BTBD9: variants seen among roughly 807,000 people sequenced by gnomAD.
BTBD9 encodes the protein BTB domain containing 9.
Under a neutral mutation model 64.3 loss-of-function variants are expected in BTBD9, and 49 were observed. The observed-to-expected ratio is 0.76, with a 90% CI of 0.61 to 0.97. The LOEUF (loss-of-function observed/expected upper bound fraction) is 0.97, where lower values mean the gene tolerates loss of function less well. Among genes scored for constraint, BTBD9 ranks in the 50% least tolerant of loss-of-function variants. The probability of loss-of-function intolerance (pLI) is 0.00; values close to 1 mark genes in which losing one functional copy is unlikely to be tolerated. For missense variants in BTBD9, 598 were observed against 762.1 expected, an observed-to-expected ratio of 0.78 and a Z score of 2.53; for synonymous variants, 260 against 274.7, an observed-to-expected ratio of 0.95 and a Z score of 0.53.
In BTBD9 at chr6:38,409,802, C is replaced by G. The variant is rs540313778; in HGVS notation, c.1155-64709G>C. Reference sequence around the variant, plus strand: ...TCATGCCACTGCACTCCAGCCTGGGCAACAGAGCAAGACTCTGTATCAAAA... The same window carrying G: ...TCATGCCACTGCACTCCAGCCTGGGGAACAGAGCAAGACTCTGTATCAAAA... On this transcript the variant is annotated intron_variant, in intron 6 of 10. Transcript: ENST00000481247. 5.3e-5 allele frequency among the ~76,000 whole-genome samples: 8 copies of G among 152,022 alleles called. No homozygotes were observed. The South Asian group carries it at 6.2e-4, about 12-fold the overall frequency.
chr6:38,356,328 A>G (rs1189924264), intron 6 of BTBD9, among the ~76,000 whole-genome samples: 2 of 152,016 alleles, frequency 1.3e-5, no homozygotes, highest in Non-Finnish European at 2.9e-5. Flanking sequence ...ATTTTTCTTT[A>G]TGAAACTCTT....
chr6:38,328,136 A>G (rs1763512100), intron 7 of BTBD9, among the ~76,000 whole-genome samples: 2 of 152,230 alleles, frequency 1.3e-5, no homozygotes, highest in African/African-American at 2.4e-5. Flanking sequence ...ATATAAATAC[A>G]GGAAAATGTA....
intron 6 of BTBD9, among the ~76,000 whole-genome samples, chr6:38,475,175 A>G (rs1283194332): frequency 2.0e-5 from 3 of 152,154 alleles, no homozygotes; most frequent in Non-Finnish European, 4.4e-5. Flanking sequence ...ACATATACAC[A>G]TGGCCAAAAA....
intron 7 of BTBD9, among the ~76,000 whole-genome samples, chr6:38,333,304 T>C (rs1328601989): frequency 1.3e-5 from 2 of 152,172 alleles, no homozygotes; most frequent in Non-Finnish European, 2.9e-5. Context: ...TCCTTATTCA[T>C]CAAAAAGTCA....
rs544943726 is a variant in BTBD9 at position 38,355,768 on chromosome 6, T to TC, written c.1155-10676dup. Among the ~76,000 whole-genome samples the TC allele has an allele frequency of 2.5e-3, 384 of 152,326 alleles. 3 individuals are homozygous for TC. The highest frequency in any genetic ancestry group is 8.3e-3 in the African/African-American group (346 of 41,570). On this transcript the variant is annotated intron_variant, in intron 6 of 10. Coordinates refer to ENST00000481247, the MANE Select transcript of BTBD9 (RefSeq NM_001099272.2). ...CTTCACCATCACTGTAGGGATTCTT[T>TC]CATCTCTCTCCTGTGTTAAACAGCC...
At chr6:38,393,692 T>C (rs533345033) in intron 6 of BTBD9, among the ~76,000 whole-genome samples, 2 of 152,314 alleles carry the variant, frequency 1.3e-5, no homozygotes, top group South Asian at 4.1e-4. Flanking sequence ...ACCCTCTCAT[T>C]ACAAATACAA....
intron 6 of BTBD9, among the ~76,000 whole-genome samples, chr6:38,488,786 A>AT (rs1433038088): frequency 3.3e-5 from 5 of 152,304 alleles, no homozygotes; most frequent in Middle Eastern, 3.4e-3. Flanking sequence ...TAGAATTTTC[A>AT]TTAAGAAAAT....
chr6:38,233,581 C>A (rs1763684054), intron 9 of BTBD9, among the ~76,000 whole-genome samples: 1 of 152,226 alleles, frequency 6.6e-6, no homozygotes, highest in South Asian at 2.1e-4. Context: ...ACAGCCACTG[C>A]ACTATGACTG....
intron 6 of BTBD9, among the ~76,000 whole-genome samples, chr6:38,501,790 T>C (rs1772212872): frequency 1.6e-5 from 1 of 64,046 alleles, no homozygotes. Context: ...GTCTTCTCTT[T>C]ATTATGCCAG....
At chr6:38,318,341 T>C (rs1167683796) in intron 7 of BTBD9, among the ~76,000 whole-genome samples, 1 of 152,244 alleles carries the variant, frequency 6.6e-6, no homozygotes, top group Non-Finnish European at 1.5e-5. Context: ...TGTCTGGGCA[T>C]TGAAGTGTTA....
At chr6:38,496,960 C>T (rs1215077982) in intron 6 of BTBD9, among the ~76,000 whole-genome samples, 1 of 152,164 alleles carries the variant, frequency 6.6e-6, no homozygotes, top group Non-Finnish European at 1.5e-5. Context: ...ATGCTCTCAC[C>T]AAGATCCACC....
chr6:38,262,050 T>A (rs1370687666), intron 8 of BTBD9, among the ~76,000 whole-genome samples: 1 of 152,272 alleles, frequency 6.6e-6, no homozygotes, highest in Non-Finnish European at 1.5e-5. Context: ...TGCTTTTCCA[T>A]TGAGAGGAAT....
At chr6:38,461,736 C>T (rs1770095181) in intron 6 of BTBD9, among the ~76,000 whole-genome samples, 1 of 152,156 alleles carries the variant, frequency 6.6e-6, no homozygotes, top group South Asian at 2.1e-4. Flanking sequence ...TAGGAAACTG[C>T]CAAGCTGTTT....
chr6:38,411,347 C>A (rs556273354), intron 6 of BTBD9, among the ~76,000 whole-genome samples: 1 of 152,232 alleles, frequency 6.6e-6, no homozygotes, highest in East Asian at 1.9e-4. Flanking sequence ...GCACATGAAT[C>A]GACTGCTCAG....
chr6:38,290,251 C>T (rs1761907460), intron 7 of BTBD9, among the ~76,000 whole-genome samples: 1 of 150,980 alleles, frequency 6.6e-6, no homozygotes, highest in Non-Finnish European at 1.5e-5. Context: ...CAAGTAAAAA[C>T]ACCGGTGAAA....
At chr6:38,319,106 C>T (rs578230054) in intron 7 of BTBD9, among the ~76,000 whole-genome samples, 1 of 151,924 alleles carries the variant, frequency 6.6e-6, no homozygotes, top group Non-Finnish European at 1.5e-5. Flanking sequence ...AAGGGCTCTT[C>T]AGTTAGTTTG....
chr6:38,408,233 C>T (rs1767256764), intron 6 of BTBD9, among the ~76,000 whole-genome samples: 1 of 152,092 alleles, frequency 6.6e-6, no homozygotes, highest in African/African-American at 2.4e-5. Flanking sequence ...TGACATGCAC[C>T]TGCAGTCCCA....
At chr6:38,490,330 C>CT (rs548978827) in intron 6 of BTBD9, among the ~76,000 whole-genome samples, 175 of 151,892 alleles carry the variant, frequency 1.2e-3, no homozygotes, top group Non-Finnish European at 2.2e-3. Context: ...TTTCTTTTTT[C>CT]TTTTTTTTGA....
intron 6 of BTBD9, among the ~76,000 whole-genome samples, chr6:38,486,652 C>T (rs1406660559): frequency 6.6e-6 from 1 of 152,056 alleles, no homozygotes; most frequent in East Asian, 1.9e-4. Flanking sequence ...TGTTCCAAAA[C>T]AATTACAATA....
Sources: allele counts gnomAD v4.1 joint callset (sites outside exome capture counted in the v4.1 genomes callset), GRCh38; gene constraint gnomAD v4.1.1; transcripts MANE v1.5; gene names NCBI Gene and HGNC (gene_info 2026-07-23, HGNC 2026-07-21).